The following NEK1 variants were observed in gnomAD, a reference collection of about 807,000 sequenced individuals.
NEK1 encodes serine/threonine-protein kinase Nek1.
NEK1 carries 137 observed loss-of-function variants against 182.1 expected under a neutral mutation model. The ratio of observed to expected loss-of-function variants is 0.75; its 90% CI spans 0.65 to 0.87. The LOEUF (loss-of-function observed/expected upper bound fraction) is 0.87. Ranked by LOEUF, NEK1 falls within the 40% of genes least tolerant of loss-of-function variation. The pLI is 0.00. For synonymous variants in NEK1, 513 were observed against 492.2 expected, an observed-to-expected ratio of 1.04 and a Z score of -0.56; for missense variants, 1,391 against 1,494.4, an observed-to-expected ratio of 0.93 and a Z score of 1.14.
chr4:169,494,271 C>A (rs1400495700), intron 23 of NEK1, among the ~76,000 whole-genome samples: 2 of 152,084 alleles, frequency 1.3e-5, no homozygotes, highest in African/African-American at 4.8e-5. Context: ...ACAACAGGCC[C>A]TGGTGTGTGA....
At chr4:169,538,050 A>G (rs1758791038) in intron 18 of NEK1, 139 bp from the exon 19 acceptor site, 7 of 559,086 alleles carry the variant, frequency 1.3e-5, no homozygotes, top group Non-Finnish European at 2.2e-5. Context: ...TGAAGAAATC[A>G]CTATATATAT....
intron 12 of NEK1, among the ~76,000 whole-genome samples, chr4:169,562,453 A>T (rs1315431962): frequency 6.6e-6 from 1 of 152,108 alleles, no homozygotes; most frequent in Non-Finnish European, 1.5e-5. Context: ...TCAGGTATGG[A>T]TGTTTAAGTT....
chr4:169,475,419 C>A (rs1254642144), intron 26 of NEK1, among the ~76,000 whole-genome samples: 1 of 152,062 alleles, frequency 6.6e-6, no homozygotes, highest in African/African-American at 2.4e-5. Flanking sequence ...GATCTCACCT[C>A]ACAAATATTA....
chr4:169,554,460 A>G (rs1215381938), intron 18 of NEK1: 1 of 151,674 alleles, frequency 6.6e-6, no homozygotes, highest in African/African-American at 2.4e-5. Context: ...AGTATGCTAC[A>G]TAAATACAAT....
intron 27 of NEK1, among the ~76,000 whole-genome samples, chr4:169,444,736 C>T (rs1455110611): frequency 2.0e-5 from 3 of 152,150 alleles, no homozygotes; most frequent in African/African-American, 7.2e-5. Flanking sequence ...ATTTAAACTG[C>T]ACTTTAGACC....
Position 169,555,953 on chromosome 4 carries a change from T to C in NEK1, c.1409A>G (p.Tyr470Cys), listed in dbSNP as rs572015218. The stretch of plus-strand genomic sequence containing the variant: ...ATACCTTTCTGGAAGACCTCGACCA[T>C]ATATTTCTCTTTTCCATTTAGCTTC... Reference protein sequence around the residue: ...DNEAKWKREIYGRGLPERGIL... With the variant: ...DNEAKWKREICGRGLPERGIL... The change falls in exon 17 of 36, where the codon TAT becomes TGT. Residue 470 changes from tyrosine (Y) to cysteine (C), a missense_variant. This residue lies in a region of NEK1 where 1,216 missense variants were observed against 1,277.6 expected (regional missense o/e 0.95). Transcript: ENST00000507142. 42 of 1,613,670 alleles carry C rather than the reference T, an allele frequency of 2.6e-5. No homozygotes were observed. The South Asian group carries it at 4.3e-4, about 16-fold the overall frequency.
intron 20 of NEK1, among the ~76,000 whole-genome samples, 197 bp downstream of exon 20, chr4:169,508,571 AG>A (rs1324741413): frequency 1.3e-5 from 2 of 152,216 alleles, no homozygotes; most frequent in Admixed American, 1.3e-4. Flanking sequence ...TCAAAAGAAA[AG>A]AAACTGAAAT....
chr4:169,510,141 G>A (rs1753942794), intron 19 of NEK1, among the ~76,000 whole-genome samples: 1 of 151,946 alleles, frequency 6.6e-6, no homozygotes, highest in South Asian at 2.1e-4. Context: ...TTGGCTTGTT[G>A]CTGAATGTCA....
intron 7 of NEK1, 57 bp from the exon 8 acceptor site, chr4:169,588,792 ATGT>A: frequency 4.4e-6 from 5 of 1,133,192 alleles, no homozygotes; most frequent in South Asian, 1.3e-5. Context: ...TGCCACATTA[ATGT>A]TGTTTTTGGT....
intron 19 of NEK1, among the ~76,000 whole-genome samples, chr4:169,537,322 A>G (rs1312361299): frequency 6.6e-6 from 1 of 152,236 alleles, no homozygotes; most frequent in African/African-American, 2.4e-5. Flanking sequence ...GTTAAATGGC[A>G]TAACTGGAGA....
intron 5 of NEK1, 47 bp from the exon 6 acceptor site, chr4:169,590,856 A>C: frequency 1.6e-6 from 2 of 1,225,566 alleles, no homozygotes; most frequent in Non-Finnish European, 2.3e-6. Flanking sequence ...GACCATTAAA[A>C]GAATTCAAGA....
At chr4:169,507,322 G>T (rs1251004659) in intron 22 of NEK1, among the ~76,000 whole-genome samples, 190 bp from the exon 23 acceptor site, 1 of 151,108 alleles carries the variant, frequency 6.6e-6, no homozygotes. Context: ...ACATACAGCA[G>T]GTGTTCAATA....
chr4:169,524,394 G>A (rs1012078309), intron 19 of NEK1, among the ~76,000 whole-genome samples: 1 of 150,134 alleles, frequency 6.7e-6, no homozygotes, highest in African/African-American at 2.5e-5. Context: ...CCAGGAGGCG[G>A]AGGTTGCAGT....
intron 2 of NEK1, among the ~76,000 whole-genome samples, chr4:169,604,101 T>A (rs1381927831): frequency 6.6e-6 from 1 of 152,224 alleles, no homozygotes; most frequent in South Asian, 2.1e-4. Flanking sequence ...AAACTCCTTA[T>A]GTAATGAAGT....
At chr4:169,405,122 C>A (rs1732367136) in intron 32 of NEK1, among the ~76,000 whole-genome samples, 1 of 152,152 alleles carries the variant, frequency 6.6e-6, no homozygotes, top group Admixed American at 6.5e-5. Context: ...TGCTTAACAA[C>A]AGGAAGCATT....
In NEK1 at chr4:169,418,902, C is replaced by T. The variant is rs75802993; in HGVS notation, c.3222+5651G>A. 4.9e-3 allele frequency among the ~76,000 whole-genome samples: 742 copies of T among 152,038 alleles called. 8 individuals are homozygous for T. Among genetic ancestry groups the T allele is most frequent in the Admixed American group, 7.7e-3 (118 of 15,256 alleles). On this transcript the variant is annotated intron_variant, in intron 31 of 35. Coordinates refer to ENST00000507142, the MANE Select transcript of NEK1 (RefSeq NM_001199397.3). ...AGGGTCCAAGAAGATCAATGAACCCCAAAACAGGATAAACACACACACATT... is the reference window on the plus strand; with the variant it reads ...AGGGTCCAAGAAGATCAATGAACCCTAAAACAGGATAAACACACACACATT...
At position 169,399,450 on chromosome 4, in the gene NEK1, G is replaced by T. The variant is rs550327927; in HGVS notation, c.3847+775C>A. Reference sequence around the variant, plus strand: ...AAAGTAGTCAGGTGTGGTGGCGCACGCCTATAATCCCAGCTATTTGGGAGG... The same window carrying T: ...AAAGTAGTCAGGTGTGGTGGCGCACTCCTATAATCCCAGCTATTTGGGAGG... On this transcript the variant is annotated intron_variant, in intron 35 of 35. Coordinates refer to ENST00000507142, the MANE Select transcript of NEK1 (RefSeq NM_001199397.3). Among the ~76,000 whole-genome samples, 15 of 150,804 alleles carry T rather than the reference G, an allele frequency of 9.9e-5. No individual in the cohort carries two copies. In the East Asian group the frequency reaches 3.0e-3, roughly 30 times the overall value.
At chr4:169,585,669 A>C (rs1027253398) in intron 9 of NEK1, 120 bp from the exon 10 acceptor site, 9 of 586,836 alleles carry the variant, frequency 1.5e-5, no homozygotes, top group Non-Finnish European at 2.2e-5. Context: ...CCTCTTCCAA[A>C]TAATTAGAAT....
At chr4:169,502,071 T>C (rs1270742132) in intron 23 of NEK1, among the ~76,000 whole-genome samples, 4 of 151,740 alleles carry the variant, frequency 2.6e-5, no homozygotes, top group African/African-American at 4.8e-5. Context: ...TTACAACGGA[T>C]CCCACAGAAA....
Sources: gnomAD v4.1 joint callset for allele counts (sites outside exome capture counted in the v4.1 genomes callset) on GRCh38, gnomAD v4.1.1 for gene constraint, gnomAD v4.1.1 regional missense constraint, MANE v1.5 for transcripts, NCBI Gene and HGNC (gene_info 2026-07-23, HGNC 2026-07-21) for gene names.